MACF1: variants seen among roughly 807,000 people sequenced by gnomAD.
MACF1 encodes the protein microtubule actin crosslinking factor 1, also known as microtubule-actin cross-linking factor 1.
MACF1 carries 193 observed loss-of-function variants against 854.8 expected under a neutral mutation model. The observed-to-expected ratio is 0.23, with a 90% CI of 0.20 to 0.25. MACF1 has a LOEUF of 0.25. Ranked by LOEUF, MACF1 falls within the 10% of genes least tolerant of loss-of-function variation. MACF1 has a pLI of 1.00. For synonymous variants in MACF1, 3,185 were observed against 3,226.7 expected, an observed-to-expected ratio of 0.99 and a Z score of 0.44; for missense variants, 7,722 against 8,929.1, an observed-to-expected ratio of 0.86 and a Z score of 5.45.
chr1:39,403,343 C>A (rs1642557582), intron 58 of MACF1, among the ~76,000 whole-genome samples: 2 of 152,138 alleles, frequency 1.3e-5, no homozygotes, highest in African/African-American at 4.8e-5. Flanking sequence ...AGGTGATCTG[C>A]CTGTCTCGGC....
chr1:39,093,779 C>T (rs568949061), intron 2 of MACF1, among the ~76,000 whole-genome samples: 3 of 151,232 alleles, frequency 2.0e-5, no homozygotes, highest in African/African-American at 4.9e-5. Context: ...CCATCACGCC[C>T]GGCCAAGGGA....
rs1365661637 is a variant in MACF1 at position 39,335,385 on chromosome 1, G to A, written c.8797G>A (p.Glu2933Lys). ...MKQSTSCLDS[E>K]EIRENQGEVI... ...GCAGTCTACCTCATGTCTAGATTCT[G>A]AAGAAATAAGAGAAAATCAAGGGGA... Residue 2933 changes from glutamate (E) to lysine (K), a missense_variant, in exon 37 of 101, where the codon GAA (glutamate) becomes AAA (lysine). Transcript: ENST00000564288. 1.9e-6 allele frequency: 3 copies of A among 1,614,094 alleles called. No homozygotes were observed. Among genetic ancestry groups the A allele is most frequent in the Non-Finnish European group, 2.5e-6 (3 of 1,179,988 alleles).
chr1:39,334,898 G>A lies in MACF1; in HGVS notation c.8310G>A (p.Arg2770=), dbSNP rs963308358. ...QIDSSEFSDH[R]AQIEKQEGIE... is the part of the protein sequence containing the mutation. ...ATAGTTCAGAGTTCAGCGATCACAGGGCTCAGATTGAAAAGCAAGAAGGGA... is the reference window on the plus strand; with the variant it reads ...ATAGTTCAGAGTTCAGCGATCACAGAGCTCAGATTGAAAAGCAAGAAGGGA... Residue 2770 remains arginine (R), a synonymous_variant, in exon 37 of 101, where the codon AGG becomes AGA. Coordinates refer to ENST00000564288, the MANE Select transcript of MACF1 (RefSeq NM_001394062.1). The A allele has an allele frequency of 6.2e-7, 1 of 1,614,096 alleles. No individual in the cohort carries two copies. The highest frequency in any genetic ancestry group is 8.5e-7 in the Non-Finnish European group (1 of 1,180,012).
Position 39,333,846 on chromosome 1 carries a change from G to A in MACF1, c.7258G>A (p.Val2420Ile), listed in dbSNP as rs2148472301. Residue 2420 changes from valine to isoleucine, a missense_variant, in exon 37 of 101, where the codon GTT (valine) becomes ATT (isoleucine). This residue lies in a region of MACF1 where 1,531 missense variants were observed against 1,601.6 expected (regional missense o/e 0.96). Coordinates refer to ENST00000564288, the MANE Select transcript of MACF1 (RefSeq NM_001394062.1). ...GIIDLKRGKK[V>I]SVTLASTLGL... ...TATTGATCTGAAACGAGGCAAAAAA[G>A]TTTCAGTAACTTTGGCCTCAACTCT... is the stretch of plus-strand genomic sequence containing the variant. The A allele has an allele frequency of 6.2e-6, 10 of 1,614,176 alleles. No homozygotes were observed. In the East Asian group the frequency reaches 1.6e-4, roughly 25 times the overall value.
At chr1:39,356,780 T>G (rs1036247576) in intron 44 of MACF1, among the ~76,000 whole-genome samples, 1 of 152,212 alleles carries the variant, frequency 6.6e-6, no homozygotes, top group African/African-American at 2.4e-5. Flanking sequence ...AGAGTCAGGT[T>G]TGAGTTGCAG....
chr1:39,353,274 C>A, intron 44 of MACF1, 43 bp downstream of exon 44: 2 of 1,476,682 alleles, frequency 1.4e-6, no homozygotes, highest in South Asian at 1.3e-5. Flanking sequence ...AGAAATCTCT[C>A]CTGCCCTGAG....
At chr1:39,330,955 C>G (rs1184421774) in intron 36 of MACF1, among the ~76,000 whole-genome samples, 1 of 152,056 alleles carries the variant, frequency 6.6e-6, no homozygotes, top group African/African-American at 2.4e-5. Flanking sequence ...GTGCGCACCA[C>G]ACCCAGCTAA....
intron 45 of MACF1, 112 bp downstream of exon 45, chr1:39,358,005 A>G: frequency 2.7e-6 from 3 of 1,113,732 alleles, no homozygotes; most frequent in East Asian, 2.5e-5. Flanking sequence ...AGGAGAGCTG[A>G]TTTATACTTG....
At chr1:39,369,509 G>C (rs1237877705) in intron 50 of MACF1, among the ~76,000 whole-genome samples, 1 of 152,130 alleles carries the variant, frequency 6.6e-6, no homozygotes, top group South Asian at 2.1e-4. Flanking sequence ...AGGATTTCTG[G>C]ATTGACATCT....
At chr1:39,399,580 T>C (rs1190595860) in intron 58 of MACF1, among the ~76,000 whole-genome samples, 2 of 152,128 alleles carry the variant, frequency 1.3e-5, no homozygotes, top group Non-Finnish European at 2.9e-5. Context: ...TTTCGCCACG[T>C]TGGCCAGGCT....
At chr1:39,254,834 A>G (rs1283669109) in intron 5 of MACF1, among the ~76,000 whole-genome samples, 1 of 152,220 alleles carries the variant, frequency 6.6e-6, no homozygotes, top group Non-Finnish European at 1.5e-5. Context: ...TTAAGTGAGC[A>G]GTTTAATACA....
At chr1:39,181,051 G>A (rs1031166608) in intron 2 of MACF1, among the ~76,000 whole-genome samples, 3 of 152,134 alleles carry the variant, frequency 2.0e-5, no homozygotes, top group Non-Finnish European at 2.9e-5. Flanking sequence ...GACTACAGGC[G>A]CGTGCTACCA....
At chr1:39,397,858 A>G (rs1569882785) in intron 58 of MACF1, among the ~76,000 whole-genome samples, 1 of 152,264 alleles carries the variant, frequency 6.6e-6, no homozygotes, top group Middle Eastern at 3.4e-3. Context: ...TAAGGGAAAC[A>G]GATACAGAGA....
Position 39,324,042 on chromosome 1 carries a change from T to A in MACF1, c.4237-151T>A, listed in dbSNP as rs1646564569. 4 of 741,278 alleles carry A rather than the reference T, an allele frequency of 5.4e-6. No individual in the cohort carries two copies. The East Asian group carries it at 1.1e-4, about 21-fold the overall frequency. 45.9% of individuals were successfully genotyped at this position (741,278 alleles called of 1,614,324 possible). A position where few individuals can be genotyped will look rare whatever the true frequency, so the allele number is the denominator to read the frequency against. ...AACACCTGTGAGCAATACTGTAGGC[T>A]GGGCTAAATTATACTTGGGGTTATT... is the stretch of plus-strand genomic sequence containing the variant. On this transcript the variant is annotated intron_variant, in intron 33 of 100. Coordinates refer to ENST00000564288, the MANE Select transcript of MACF1 (RefSeq NM_001394062.1).
chr1:39,460,940 G>A lies in MACF1; in HGVS notation c.21523+146G>A, dbSNP rs1271864691. 1.4e-5 allele frequency: 12 copies of A among 887,694 alleles called. No homozygotes were observed. The Admixed American group carries it at 2.7e-4, about 20-fold the overall frequency. 55.0% of individuals were successfully genotyped at this position (887,694 alleles called of 1,614,324 possible). A position where few individuals can be genotyped will look rare whatever the true frequency, so the allele number is the denominator to read the frequency against. On this transcript the variant is annotated intron_variant, in intron 92 of 100. Transcript: ENST00000564288. This position sits in a 1 kb window ranked among gnomAD's most constrained non-coding sequence, Gnocchi z 4.1. The stretch of plus-strand genomic sequence containing the variant: ...AATTCCAGCACTTTGGGAGGCAGGT[G>A]GCAAAGGCATGGTGGCACACTTGCA...
chr1:39,451,935 T>G (rs1333263647), intron 85 of MACF1, among the ~76,000 whole-genome samples: 1 of 152,142 alleles, frequency 6.6e-6, no homozygotes, highest in Non-Finnish European at 1.5e-5. Context: ...CTTGAACTCC[T>G]GGGCTCAAGC....
intron 2 of MACF1, among the ~76,000 whole-genome samples, chr1:39,108,941 C>T (rs1446079645): frequency 3.9e-5 from 6 of 152,096 alleles, no homozygotes; most frequent in Admixed American, 2.0e-4. Flanking sequence ...GTGGGTTATA[C>T]GAAGCTAGTT....
chr1:39,138,636 C>T (rs929585389), intron 2 of MACF1, among the ~76,000 whole-genome samples: 3 of 151,862 alleles, frequency 2.0e-5, no homozygotes, highest in African/African-American at 7.3e-5. Context: ...TCTCTCATTT[C>T]AATAATGATA....
chr1:39,412,452 A>G lies in MACF1; in HGVS notation c.15817-9922A>G, dbSNP rs560189598. On this transcript the variant is annotated intron_variant, in intron 58 of 100. Transcript: ENST00000564288. Reference sequence around the variant, plus strand: ...CAAAAGAGCTGGATTATCAAGCCACACTTTTGGAGGATCAAGCTCCAGCAC... The same window carrying G: ...CAAAAGAGCTGGATTATCAAGCCACGCTTTTGGAGGATCAAGCTCCAGCAC... The G allele has an allele frequency of 9.3e-6, 15 of 1,614,040 alleles. No homozygotes were observed. In the African/African-American group the frequency reaches 1.7e-4, roughly 19 times the overall value.
Sources: gnomAD v4.1 joint callset for allele counts (sites outside exome capture counted in the v4.1 genomes callset) on GRCh38, gnomAD v4.1.1 for gene constraint, gnomAD v4.1.1 regional missense constraint, Gnocchi (gnomAD v3.1) non-coding constraint, MANE v1.5 for transcripts, NCBI Gene and HGNC (gene_info 2026-07-23, HGNC 2026-07-21) for gene names.